The following ZBTB46 variants were observed in gnomAD, a reference collection of about 807,000 sequenced individuals.
The protein encoded by ZBTB46 is zinc finger and BTB domain-containing protein 46.
Under a neutral mutation model 44.1 loss-of-function variants are expected in ZBTB46, and 8 were observed. The observed-to-expected ratio is 0.18, with a 90% CI of 0.11 to 0.33. ZBTB46 has a LOEUF of 0.33. ZBTB46 is among the 10% of genes least tolerant of loss of function. The pLI is 1.00. For synonymous variants in ZBTB46, 409 were observed against 382.3 expected (o/e 1.07, Z -0.81); for missense variants, 651 against 847.7 (o/e 0.77, Z 2.88).
In ZBTB46 at chr20:63,790,768, T is replaced by C; in HGVS notation, c.-11A>G. The C allele has an allele frequency of 6.3e-7, 1 of 1,588,870 alleles. No homozygotes were observed. Among genetic ancestry groups the C allele is most frequent in the Non-Finnish European group, 8.6e-7 (1 of 1,169,544 alleles). On this transcript the variant is annotated 5_prime_UTR_variant, in exon 2 of 5. Transcript: ENST00000245663. ...CTTTCGGTTGTTCATTTGGAAGCCCTGGTGTCGCCTCTTCTACAGACTCTG... is the reference window on the plus strand; with the variant it reads ...CTTTCGGTTGTTCATTTGGAAGCCCCGGTGTCGCCTCTTCTACAGACTCTG...
In ZBTB46 at chr20:63,787,286, C is replaced by T. The variant is rs116686901; in HGVS notation, c.937+2535G>A. On this transcript the variant is annotated intron_variant, in intron 2 of 4. Coordinates refer to ENST00000245663, the MANE Select transcript of ZBTB46 (RefSeq NM_001369741.1). This position sits in a 1 kb window ranked among gnomAD's most constrained non-coding sequence, Gnocchi z 4.6. ...GAATAGCCATCGCCATCCTAGCCAT[C>T]GCCATCCTAGCCATCGCCACATCCT... Among the ~76,000 whole-genome samples, 2 of 152,256 alleles carry T rather than the reference C, an allele frequency of 1.3e-5. No individual in the cohort carries two copies. Among genetic ancestry groups the T allele is most frequent in the African/African-American group, 2.4e-5 (1 of 41,550 alleles).
chr20:63,814,848 G>A (rs1379375644), intron 1 of ZBTB46: 1 of 152,454 alleles, frequency 6.6e-6, no homozygotes, highest in Non-Finnish European at 1.5e-5. Context: ...CTGAATTTTA[G>A]CAATGATATT....
At chr20:63,769,775 A>G (rs1361610691) in intron 3 of ZBTB46, among the ~76,000 whole-genome samples, 1 of 152,216 alleles carries the variant, frequency 6.6e-6, no homozygotes, top group Non-Finnish European at 1.5e-5. Context: ...AACTGTTCAC[A>G]ATTCCAGTCT....
At chr20:63,806,407 C>CAAAAAAAAAAAAAAAAAAAAAAAAAA in intron 1 of ZBTB46, among the ~76,000 whole-genome samples, 1 of 91,458 alleles carries the variant, frequency 1.1e-5, no homozygotes, top group Non-Finnish European at 2.3e-5. Flanking sequence ...AACTCCATCT[C>CAAAAAAAAAAAAAAAAAAAAAAAAAA]AAAAAAAAAA....
intron 3 of ZBTB46, among the ~76,000 whole-genome samples, chr20:63,763,793 TAAAG>T (rs1288043740): frequency 4.6e-5 from 7 of 152,212 alleles, no homozygotes; most frequent in Non-Finnish European, 1.0e-4. Flanking sequence ...CCTGTGACTA[TAAAG>T]AGTCAGAACC....
At chr20:63,809,815 T>A (rs979229436) in intron 1 of ZBTB46, among the ~76,000 whole-genome samples, 3 of 151,714 alleles carry the variant, frequency 2.0e-5, no homozygotes, top group African/African-American at 7.3e-5. Context: ...TAGAAAAAAT[T>A]AGCCGGGCAT....
chr20:63,762,020 A>G (rs777436052), intron 3 of ZBTB46, among the ~76,000 whole-genome samples: 17 of 152,064 alleles, frequency 1.1e-4, no homozygotes, highest in South Asian at 4.1e-4. Context: ...TTTCCTGTCC[A>G]TTTGGAATAT....
chr20:63,756,750 G>A (rs954998285), intron 3 of ZBTB46, among the ~76,000 whole-genome samples: 1 of 152,130 alleles, frequency 6.6e-6, no homozygotes, highest in African/African-American at 2.4e-5. Context: ...ACGTTTTATT[G>A]CCCTAGGGCT....
chr20:63,749,983 G>A (rs1264378806), intron 4 of ZBTB46, among the ~76,000 whole-genome samples: 1 of 152,254 alleles, frequency 6.6e-6, no homozygotes, highest in Non-Finnish European at 1.5e-5. Flanking sequence ...CAAGAGCACG[G>A]CTGGCCCACC....
At chr20:63,771,138 T>C (rs893315999) in intron 3 of ZBTB46, among the ~76,000 whole-genome samples, 2 of 152,196 alleles carry the variant, frequency 1.3e-5, no homozygotes, top group Non-Finnish European at 2.9e-5. Flanking sequence ...TTCCTCCTGC[T>C]CTGAGGGCTG....
chr20:63,805,864 C>T (rs1473973644), intron 1 of ZBTB46, among the ~76,000 whole-genome samples: 2 of 151,990 alleles, frequency 1.3e-5, no homozygotes, highest in Non-Finnish European at 2.9e-5. Context: ...CCTCCGCCTC[C>T]TGGGTTCAAG....
At chr20:63,800,585 GGGCTGCGTGC>G (rs1164436129) in intron 1 of ZBTB46, among the ~76,000 whole-genome samples, 3 of 152,252 alleles carry the variant, frequency 2.0e-5, no homozygotes, top group Non-Finnish European at 4.4e-5. Context: ...GCGGGAACCG[GGGCTGCGTGC>G]GGCGCTTGCG....
rs573536763 is a variant in ZBTB46, at chr20:63,827,543, G to A, written c.-34+3554C>T. The stretch of plus-strand genomic sequence containing the variant: ...GAATGGCGTGAACCCGGGAAGCGGA[G>A]CTTGCAGTGAGCCGAGATTGCGCCA... On this transcript the variant is annotated intron_variant, in intron 1 of 4. Coordinates refer to ENST00000245663, the MANE Select transcript of ZBTB46 (RefSeq NM_001369741.1). 3.3e-4 allele frequency among the ~76,000 whole-genome samples: 50 copies of A among 150,986 alleles called. 2 individuals carry two copies. The South Asian group carries it at 6.1e-3, about 18-fold the overall frequency.
intron 3 of ZBTB46, among the ~76,000 whole-genome samples, chr20:63,762,218 CTG>C (rs1310287062): frequency 6.6e-6 from 1 of 152,190 alleles, no homozygotes; most frequent in Non-Finnish European, 1.5e-5. Context: ...CATTTGAAAA[CTG>C]TGTTCAAATA....
intron 1 of ZBTB46, among the ~76,000 whole-genome samples, chr20:63,795,584 A>ACTGAGGGCCTC: frequency 6.6e-6 from 1 of 152,292 alleles, no homozygotes; most frequent in Non-Finnish European, 1.5e-5. Flanking sequence ...GGGCCTCAAA[A>ACTGAGGGCCTC]CCAGCACAGC....
At chr20:63,755,065 A>G (rs2092207210) in intron 3 of ZBTB46, among the ~76,000 whole-genome samples, 1 of 152,256 alleles carries the variant, frequency 6.6e-6, no homozygotes, top group South Asian at 2.1e-4. Context: ...TAGAAAAACA[A>G]CTTAGAATGG....
rs960328596 is a variant in ZBTB46, at chr20:63,745,263, A to C, written c.*1667T>G. 8 of 152,296 alleles carry C rather than the reference A, an allele frequency of 5.3e-5. No homozygotes were observed. The highest frequency in any genetic ancestry group is 1.9e-4 in the African/African-American group (8 of 41,460). 9.4% of individuals were successfully genotyped at this position (152,296 alleles called of 1,614,324 possible). On this transcript the variant is annotated 3_prime_UTR_variant, in exon 5 of 5. Coordinates refer to ENST00000245663, the MANE Select transcript of ZBTB46 (RefSeq NM_001369741.1). ...CTTTCTCCAGCTTTGAGGAGCCCAC[A>C]GCCTCCGAGCTGAGGGGTGTGTGTG...
chr20:63,802,751 C>T (rs865990336), intron 1 of ZBTB46, among the ~76,000 whole-genome samples: 5 of 147,008 alleles, frequency 3.4e-5, no homozygotes, highest in Admixed American at 6.8e-5. Flanking sequence ...GGCCGACAAC[C>T]GAACCTCAGG....
intron 4 of ZBTB46, among the ~76,000 whole-genome samples, chr20:63,751,152 A>C: frequency 9.0e-6 from 1 of 110,764 alleles, no homozygotes. Flanking sequence ...GGCTTTTTAT[A>C]AGTGGTTTGT....
Sources: allele counts gnomAD v4.1 joint callset (sites outside exome capture counted in the v4.1 genomes callset), GRCh38; gene constraint gnomAD v4.1.1; non-coding constraint Gnocchi (gnomAD v3.1); transcripts MANE v1.5; gene names NCBI Gene and HGNC (gene_info 2026-07-23, HGNC 2026-07-21).